Variants in PRDM1 observed in about 807,000 individuals in gnomAD.
PRDM1 encodes PR domain zinc finger protein 1.
In PRDM1, 13 loss-of-function variants were observed where a neutral mutation model predicts 62.8. The observed-to-expected ratio is 0.21, with a 90% CI of 0.13 to 0.33. The LOEUF (loss-of-function observed/expected upper bound fraction) is 0.33, where lower values mean the gene tolerates loss of function less well. Among genes scored for constraint, PRDM1 ranks in the 10% least tolerant of loss-of-function variants. PRDM1 has a pLI of 1.00. For synonymous variants in PRDM1, 396 were observed against 417.6 expected (o/e 0.95, Z 0.63); for missense variants, 895 against 1,058.8 (o/e 0.85, Z 2.15).
intron 1 of PRDM1, among the ~76,000 whole-genome samples, chr6:106,003,098 G>A (rs1772445920): frequency 1.3e-5 from 2 of 152,066 alleles, no homozygotes; most frequent in Admixed American, 6.5e-5. Flanking sequence ...ACATACATAG[G>A]AACAGAGATT....
At chr6:106,000,623 TGTATA>T (rs1033185120) in intron 1 of PRDM1, among the ~76,000 whole-genome samples, 5 of 152,066 alleles carry the variant, frequency 3.3e-5, no homozygotes, top group East Asian at 1.9e-4. Context: ...TATATTTGTA[TGTATA>T]GTAATGTTTG....
At chr6:106,072,329 C>G (rs1424284993) in intron 1 of PRDM1, 2 of 152,206 alleles carry the variant, frequency 1.3e-5, no homozygotes, top group African/African-American at 2.4e-5. Context: ...ATATGTAGGT[C>G]TTAAGCAGAA....
chr6:106,087,920 A>G, intron 1 of PRDM1: 1 of 257,692 alleles, frequency 3.9e-6, no homozygotes, highest in Non-Finnish European at 7.1e-6. Flanking sequence ...AAAGCCAGGG[A>G]TTGTTCAGAG....
At chr6:106,014,196 A>AC (rs1352796193) in intron 1 of PRDM1, among the ~76,000 whole-genome samples, 1 of 150,082 alleles carries the variant, frequency 6.7e-6, no homozygotes, top group Non-Finnish European at 1.5e-5. Context: ...AATAGCTGGG[A>AC]CCACAGGCAT....
intron 1 of PRDM1, among the ~76,000 whole-genome samples, chr6:106,033,676 AATATTT>A (rs1406960782): frequency 6.6e-6 from 1 of 152,044 alleles, no homozygotes; most frequent in Admixed American, 6.6e-5. Context: ...TTTTTGTGTC[AATATTT>A]ATAAGGGATA....
chr6:106,105,344 T>A lies in PRDM1; in HGVS notation c.1184T>A (p.Leu395Gln). ...GLGSYPGYAP[L>Q]PHLPPAFIPS... ...GGCTCCTACCCTGGCTACGCACCCC[T>A]GCCCCACCTCCCGCCAGCTTTCATC... The change falls in exon 5 of 7, where the codon CTG (leucine) becomes CAG (glutamine). Residue 395 changes from leucine to glutamine, a missense_variant. Around this residue, in one of 4 missense-constraint regions of PRDM1, gnomAD observed 444 missense variants for 422.7 expected, o/e 1.05. Transcript: ENST00000369096. The A allele has an allele frequency of 6.2e-7, 1 of 1,613,384 alleles. No individual in the cohort carries two copies. Among genetic ancestry groups the A allele is most frequent in the Non-Finnish European group, 8.5e-7 (1 of 1,179,560 alleles).
At chr6:106,084,190 A>ATG (rs1773747614), upstream of PRDM1, among the ~76,000 whole-genome samples, 1 of 152,124 alleles carries the variant, frequency 6.6e-6, no homozygotes, top group Non-Finnish European at 1.5e-5. Flanking sequence ...AGAAGCAAAC[A>ATG]TGTGAAGGAC....
In PRDM1 at chr6:106,070,900, T is replaced by A. The variant is rs561154030; in HGVS notation, c.-66-17301T>A. The stretch of plus-strand genomic sequence containing the variant: ...TTTCAAATATTTATTCTGAAGGCAA[T>A]CTTCCAGATTTGAACAACCATGTTT... On this transcript the variant is annotated intron_variant, in intron 1 of 6. Coordinates refer to the PRDM1 transcript ENST00000651185. 5.9e-5 allele frequency among the ~76,000 whole-genome samples: 9 copies of A among 152,332 alleles called. No homozygotes were observed. In the South Asian group the frequency reaches 1.5e-3, roughly 25 times the overall value.
intron 1 of PRDM1, among the ~76,000 whole-genome samples, chr6:106,063,120 G>A (rs4555967): frequency 0.51 from 77,062 of 152,008 alleles, 20,065 homozygotes; most frequent in East Asian, 0.83. Flanking sequence ...CAGGTCACGC[G>A]AAGGTCAATG....
intron 1 of PRDM1, among the ~76,000 whole-genome samples, chr6:106,023,680 C>T (rs1772728329): frequency 6.6e-6 from 1 of 152,084 alleles, no homozygotes; most frequent in South Asian, 2.1e-4. Flanking sequence ...AAATCCTGTC[C>T]TTTGGAACGG....
chr6:106,094,106 C>T (rs1774027044), intron 2 of PRDM1, among the ~76,000 whole-genome samples: 1 of 152,124 alleles, frequency 6.6e-6, no homozygotes, highest in Non-Finnish European at 1.5e-5. Context: ...TATATTGTAA[C>T]CAAAATTGTA....
intron 4 of PRDM1, 35 bp downstream of exon 4, chr6:106,099,587 C>T (rs1774209603): frequency 5.0e-6 from 8 of 1,608,698 alleles, no homozygotes; most frequent in Non-Finnish European, 6.8e-6. Context: ...ATAAAAAATG[C>T]CAGTAATGTC....
chr6:106,040,191 G>A (rs1008597507), intron 1 of PRDM1, among the ~76,000 whole-genome samples: 1 of 152,216 alleles, frequency 6.6e-6, no homozygotes, highest in Non-Finnish European at 1.5e-5. Flanking sequence ...GAGCTTAATG[G>A]CTGGGACCCA....
intron 2 of PRDM1, among the ~76,000 whole-genome samples, chr6:106,093,995 CACTT>C (rs1466268788): frequency 2.0e-5 from 3 of 152,022 alleles, no homozygotes; most frequent in Non-Finnish European, 4.4e-5. Flanking sequence ...GCTGATAAGA[CACTT>C]AAATGAGAAA....
intron 1 of PRDM1, among the ~76,000 whole-genome samples, chr6:106,060,521 T>C (rs1178213279): frequency 6.6e-6 from 1 of 151,822 alleles, no homozygotes; most frequent in East Asian, 1.9e-4. Context: ...GCATAAGTAA[T>C]GAAAGAGGAG....
exon 1 of PRDM1, among the ~76,000 whole-genome samples, chr6:106,048,709 AG>A (rs1219985761): frequency 1.3e-5 from 2 of 152,240 alleles, no homozygotes; most frequent in African/African-American, 2.4e-5. Context: ...ACTGAAGGCC[AG>A]AAAGGTAGGG....
At chr6:106,051,647 GA>G (rs1773176389) in intron 1 of PRDM1, among the ~76,000 whole-genome samples, 1 of 152,108 alleles carries the variant, frequency 6.6e-6, no homozygotes, top group Non-Finnish European at 1.5e-5. Flanking sequence ...TTTCCGTCTG[GA>G]AAAAAGAGGG....
chr6:106,056,916 G>A (rs373962717), intron 1 of PRDM1, among the ~76,000 whole-genome samples: 21 of 152,312 alleles, frequency 1.4e-4, no homozygotes, highest in East Asian at 5.8e-4. Context: ...TGGCAGGTGA[G>A]AATGCAGGGA....
Position 106,106,426 on chromosome 6 carries a change from A to G in PRDM1, c.1829A>G (p.Lys610Arg), listed in dbSNP as rs1443513275. ...CCTTTCAAATGTCAGACTTGCAACA[A>G]GGGCTTTACTCAGCTCGCCCACCTG... ...ERPFKCQTCN[K>R]GFTQLAHLQK... Residue 610 changes from lysine to arginine, a missense_variant, in exon 6 of 7, where the codon AAG becomes AGG. This residue lies in a region of PRDM1 where 74 missense variants were observed against 172.4 expected (regional missense o/e 0.43). Transcript: ENST00000369096. This position sits in a 1 kb window ranked among gnomAD's most constrained non-coding sequence, Gnocchi z 4.4. 2 of 1,614,192 alleles carry G rather than the reference A, an allele frequency of 1.2e-6. No homozygotes were observed. The highest frequency in any genetic ancestry group is 1.7e-6 in the Non-Finnish European group (2 of 1,180,038).
Sources: gnomAD v4.1 joint callset for allele counts (sites outside exome capture counted in the v4.1 genomes callset) on GRCh38, gnomAD v4.1.1 for gene constraint, gnomAD v4.1.1 regional missense constraint, Gnocchi (gnomAD v3.1) non-coding constraint, MANE v1.5 for transcripts, NCBI Gene and HGNC (gene_info 2026-07-23, HGNC 2026-07-21) for gene names.